The following GRID2 variants were observed in gnomAD, a reference collection of about 807,000 sequenced individuals.
GRID2 encodes glutamate receptor ionotropic, delta-2.
A neutral mutation model predicts 114.8 loss-of-function variants in GRID2; 33 were observed. The observed-to-expected ratio is 0.29, with a 90% CI of 0.22 to 0.38. The LOEUF is 0.38. GRID2 is among the 10% of genes least tolerant of loss of function. The probability of loss-of-function intolerance (pLI) is 1.00; values close to 1 mark genes in which losing one functional copy is unlikely to be tolerated. For synonymous variants in GRID2, 505 were observed against 449.9 expected (o/e 1.12, Z -1.55); for missense variants, 1,184 against 1,257.7 (o/e 0.94, Z 0.89).
At chr4:93,176,894 A>G (rs1217633324) in intron 4 of GRID2, among the ~76,000 whole-genome samples, 1 of 152,156 alleles carries the variant, frequency 6.6e-6, no homozygotes, top group East Asian at 1.9e-4. Context: ...GAACATAGCG[A>G]GAATTGTGAA....
At chr4:93,226,575 C>T (rs556701812) in intron 7 of GRID2, among the ~76,000 whole-genome samples, 3 of 152,284 alleles carry the variant, frequency 2.0e-5, no homozygotes, top group East Asian at 1.9e-4. Flanking sequence ...CAGGGCTTTG[C>T]TGGACCCAGC....
chr4:93,379,893 T>C (rs1763696823), intron 8 of GRID2, among the ~76,000 whole-genome samples: 1 of 152,096 alleles, frequency 6.6e-6, no homozygotes, highest in African/African-American at 2.4e-5. Context: ...ATTCTCCCCA[T>C]TGGATTTGGA....
chr4:93,701,860 T>A (rs1727539313), intron 14 of GRID2, among the ~76,000 whole-genome samples: 1 of 152,018 alleles, frequency 6.6e-6, no homozygotes, highest in African/African-American at 2.4e-5. Context: ...ACAGATATGC[T>A]ACAAATTTAA....
intron 12 of GRID2, among the ~76,000 whole-genome samples, chr4:93,509,465 A>G (rs1728959346): frequency 6.6e-6 from 1 of 152,188 alleles, no homozygotes; most frequent in South Asian, 2.1e-4. Flanking sequence ...AATAACATCA[A>G]TAATTTTAAC....
intron 2 of GRID2, among the ~76,000 whole-genome samples, chr4:92,713,518 T>TATATATATATATATA (rs59069189): frequency 5.0e-5 from 6 of 119,208 alleles, no homozygotes; most frequent in Non-Finnish European, 8.5e-5. Flanking sequence ...TATATATATA[T>TATATATATATATATA]TACCAAAATT....
chr4:92,576,108 G>A (rs1251218945), intron 1 of GRID2, among the ~76,000 whole-genome samples: 1 of 152,190 alleles, frequency 6.6e-6, no homozygotes, highest in Non-Finnish European at 1.5e-5. Flanking sequence ...AGGGCACTCT[G>A]TACCAGAGAG....
intron 10 of GRID2, among the ~76,000 whole-genome samples, chr4:93,445,819 A>C (rs1205813597): frequency 6.6e-6 from 1 of 152,058 alleles, no homozygotes; most frequent in Non-Finnish European, 1.5e-5. Context: ...AAATTTTTGA[A>C]ATATCTATTT....
chr4:93,513,805 T>A (rs889639093), intron 12 of GRID2, among the ~76,000 whole-genome samples: 9 of 152,188 alleles, frequency 5.9e-5, no homozygotes, highest in African/African-American at 2.2e-4. Context: ...CTGACAAACA[T>A]GGCCCATAAT....
At chr4:92,712,715 T>A (rs2149310844) in intron 2 of GRID2, among the ~76,000 whole-genome samples, 1 of 152,280 alleles carries the variant, frequency 6.6e-6, no homozygotes, top group African/African-American at 2.4e-5. Context: ...ATATGTTAAA[T>A]GAAATATGCA....
At chr4:92,936,747 C>A (rs1259632819) in intron 2 of GRID2, among the ~76,000 whole-genome samples, 1 of 146,036 alleles carries the variant, frequency 6.8e-6, no homozygotes, top group African/African-American at 2.4e-5. Flanking sequence ...CTGCCTCTGG[C>A]CATGATAATA....
intron 7 of GRID2, among the ~76,000 whole-genome samples, chr4:93,225,087 T>TA (rs1017994349): frequency 7.2e-5 from 11 of 152,050 alleles, no homozygotes; most frequent in African/African-American, 2.7e-4. Context: ...AAAAGGCTTT[T>TA]AAAAAAACAC....
chr4:92,586,490 G>C (rs563194160), intron 1 of GRID2, among the ~76,000 whole-genome samples: 1 of 151,522 alleles, frequency 6.6e-6, no homozygotes, highest in East Asian at 1.9e-4. Flanking sequence ...ATGTATTTTG[G>C]GAATATTTAA....
In GRID2 at chr4:92,304,491, T is replaced by G; in HGVS notation, c.-166T>G. 1 of 630,374 alleles carries G rather than the reference T, an allele frequency of 1.6e-6. No homozygotes were observed. Among genetic ancestry groups the G allele is most frequent in the Non-Finnish European group, 2.8e-6 (1 of 356,374 alleles). 39.0% of individuals were successfully genotyped at this position (630,374 alleles called of 1,614,324 possible). On this transcript the variant is annotated 5_prime_UTR_variant, in exon 1 of 16. Transcript: ENST00000282020. ...AGGCTGGGCTCTTTCTGTCATTCCC[T>G]TCTGCCTTTCTCGGCGACGATAAAA...
intron 2 of GRID2, among the ~76,000 whole-genome samples, chr4:92,666,650 GT>G (rs70942922): frequency 0.31 from 20,920 of 68,372 alleles, 1,760 homozygotes; most frequent in Middle Eastern, 0.4. Flanking sequence ...CTTAAGGGTT[GT>G]TTTTTTTTTT....
At chr4:92,358,765 A>G (rs77682666) in intron 1 of GRID2, among the ~76,000 whole-genome samples, 2,700 of 151,990 alleles carry the variant, frequency 0.018, 80 homozygotes, top group African/African-American at 0.059. Context: ...AGGCTTTTCT[A>G]TTTCATTTGA....
chr4:92,764,815 G>A (rs1392138045), intron 2 of GRID2, among the ~76,000 whole-genome samples: 3 of 152,118 alleles, frequency 2.0e-5, no homozygotes, highest in Non-Finnish European at 4.4e-5. Flanking sequence ...AAACATCGAG[G>A]AATTCACTTA....
intron 13 of GRID2, among the ~76,000 whole-genome samples, chr4:93,520,973 C>T (rs911070394): frequency 2.6e-5 from 4 of 151,946 alleles, no homozygotes; most frequent in Admixed American, 2.0e-4. Context: ...CTGTAATAAT[C>T]CAAGTGTGAC....
chr4:92,974,659 A>G lies in GRID2; in HGVS notation c.245-110336A>G, dbSNP rs528488694. Among the ~76,000 whole-genome samples the G allele has an allele frequency of 1.2e-3, 177 of 151,936 alleles. 3 individuals carry two copies. The highest frequency in any genetic ancestry group is 3.4e-3 in the Middle Eastern group (1 of 294). ...TGAGAACACATGGACACAGGAAGGG[A>G]AACATCACACACCAGAACGTGTCGC... is the stretch of plus-strand genomic sequence containing the variant. On this transcript the variant is annotated intron_variant, in intron 2 of 15. Transcript: ENST00000282020.
At chr4:92,948,131 C>T (rs1390670623) in intron 2 of GRID2, among the ~76,000 whole-genome samples, 4 of 151,750 alleles carry the variant, frequency 2.6e-5, no homozygotes, top group Admixed American at 2.0e-4. Flanking sequence ...TATACTCCTA[C>T]CTGAGGTTTC....
Sources: gnomAD v4.1 joint callset for allele counts (sites outside exome capture counted in the v4.1 genomes callset) on GRCh38, gnomAD v4.1.1 for gene constraint, MANE v1.5 for transcripts, NCBI Gene and HGNC (gene_info 2026-07-23, HGNC 2026-07-21) for gene names.